The following RAPGEF4 variants were observed in gnomAD, a reference collection of about 807,000 sequenced individuals.
RAPGEF4 encodes the protein RAP guanine-nucleotide-exchange factor (GEF) 4.
RAPGEF4 carries 66 observed loss-of-function variants against 147.9 expected under a neutral mutation model. That is an observed-to-expected ratio of 0.45 (90% CI 0.37 to 0.55). RAPGEF4 has a LOEUF of 0.55. RAPGEF4 is among the 20% of genes least tolerant of loss of function. RAPGEF4 has a pLI of 0.00. For missense variants in RAPGEF4, 1,071 were observed against 1,257.3 expected (o/e 0.85, Z 2.24); for synonymous variants, 419 against 442.7 (o/e 0.95, Z 0.67).
intron 1 of RAPGEF4, among the ~76,000 whole-genome samples, chr2:172,776,809 T>G (rs1559035835): frequency 6.6e-6 from 1 of 152,196 alleles, no homozygotes; most frequent in Non-Finnish European, 1.5e-5. Flanking sequence ...ACTTCACTAC[T>G]GATATTCCCT....
chr2:172,767,998 G>C (rs911657060), intron 1 of RAPGEF4, among the ~76,000 whole-genome samples: 2 of 151,936 alleles, frequency 1.3e-5, no homozygotes, highest in Non-Finnish European at 2.9e-5. Context: ...TTTTAGTAGA[G>C]ACGGGGTTTC....
At chr2:173,014,930 T>C (rs754998810) in intron 18 of RAPGEF4, among the ~76,000 whole-genome samples, 8 of 152,238 alleles carry the variant, frequency 5.3e-5, no homozygotes, top group Non-Finnish European at 8.8e-5. Flanking sequence ...TAAGGATTTT[T>C]CTGTCAGTAC....
At chr2:172,999,635 A>C (rs774695966) in intron 16 of RAPGEF4, among the ~76,000 whole-genome samples, 25 of 152,240 alleles carry the variant, frequency 1.6e-4, no homozygotes, top group Non-Finnish European at 3.1e-4. Flanking sequence ...GTTTTAAATT[A>C]GTTCTTAAGC....
intron 10 of RAPGEF4, among the ~76,000 whole-genome samples, chr2:172,978,900 G>A (rs532935854): frequency 4.5e-4 from 68 of 152,236 alleles, no homozygotes; most frequent in Admixed American, 2.0e-3. Context: ...CTTTAGCATG[G>A]CAGACAAAAA....
rs1242605865 is a variant in RAPGEF4, at chr2:172,819,461, C to CTTTTTTTTTTTTT, written c.444+5046_444+5058dup. Among the ~76,000 whole-genome samples, 23 of 87,014 alleles carry CTTTTTTTTTTTTT rather than the reference C, an allele frequency of 2.6e-4. 3 individuals are homozygous for CTTTTTTTTTTTTT. Among genetic ancestry groups the CTTTTTTTTTTTTT allele is most frequent in the Admixed American group, 5.1e-4 (3 of 5,926 alleles). 57.1% of individuals were successfully genotyped at this position (87,014 alleles called of 152,430 possible). A position where few individuals can be genotyped will look rare whatever the true frequency, so the allele number is the denominator to read the frequency against. ...AAGTCTTAGAATACCATTTTTAGTTCTTTTTTTTTTTTTTTTTTTTTTGAG... is the reference window on the plus strand; with the variant it reads ...AAGTCTTAGAATACCATTTTTAGTTCTTTTTTTTTTTTTTTTTTTTTTTTTTTTTTTTTTTGAG... On this transcript the variant is annotated intron_variant, in intron 4 of 30. Transcript: ENST00000397081.
chr2:172,976,445 A>G (rs1314498226), intron 10 of RAPGEF4, among the ~76,000 whole-genome samples: 1 of 152,210 alleles, frequency 6.6e-6, no homozygotes, highest in East Asian at 1.9e-4. Context: ...GTGTGGGAAA[A>G]TGGTCCAAGT....
intron 4 of RAPGEF4, among the ~76,000 whole-genome samples, chr2:172,815,883 AAT>A (rs1559055340): frequency 6.6e-6 from 1 of 152,194 alleles, no homozygotes; most frequent in African/African-American, 2.4e-5. Flanking sequence ...AAAAATTTCA[AAT>A]AGACAGAAAA....
chr2:172,889,713 G>A, intron 4 of RAPGEF4: 1 of 379,048 alleles, frequency 2.6e-6, no homozygotes, highest in Non-Finnish European at 3.6e-6. Flanking sequence ...GCTACCCACT[G>A]CATCACTAAT....
At chr2:172,755,596 G>A (rs942223831) in intron 1 of RAPGEF4, among the ~76,000 whole-genome samples, 11 of 151,988 alleles carry the variant, frequency 7.2e-5, no homozygotes, top group East Asian at 3.9e-4. Flanking sequence ...GGGTTTCACC[G>A]TGTTGGCCAG....
At chr2:173,036,777 T>C in intron 29 of RAPGEF4, 85 bp downstream of exon 29, 1 of 918,982 alleles carries the variant, frequency 1.1e-6, no homozygotes, top group South Asian at 1.7e-5. Context: ...AATTTCCATA[T>C]ATGCTGCCCT....
chr2:172,811,599 A>G (rs997071322), intron 3 of RAPGEF4, among the ~76,000 whole-genome samples: 8 of 152,188 alleles, frequency 5.3e-5, no homozygotes, highest in African/African-American at 1.9e-4. Context: ...GCGTAAAAGA[A>G]ACGGTTATGT....
At chr2:173,016,782 A>G (rs1031629042) in intron 19 of RAPGEF4, among the ~76,000 whole-genome samples, 9 of 152,236 alleles carry the variant, frequency 5.9e-5, no homozygotes, top group African/African-American at 2.2e-4. Context: ...GCAACTACTT[A>G]TATGGAAAAT....
At chr2:172,756,539 G>T (rs976424757) in intron 1 of RAPGEF4, among the ~76,000 whole-genome samples, 5 of 152,094 alleles carry the variant, frequency 3.3e-5, no homozygotes, top group African/African-American at 1.2e-4. Flanking sequence ...TCTCCCTTTT[G>T]TGTCTAGACT....
At chr2:172,852,274 G>A (rs1016496826) in intron 4 of RAPGEF4, among the ~76,000 whole-genome samples, 2 of 152,106 alleles carry the variant, frequency 1.3e-5, no homozygotes, top group Non-Finnish European at 2.9e-5. Context: ...TGAGCCCCAG[G>A]ATGAAGATAA....
Position 173,050,526 on chromosome 2 carries a change from A to G in RAPGEF4, c.2909-1114A>G, listed in dbSNP as rs182798274. ...GATCTAGCAGGAGCAACCAGACTGCAGAAGGCAGTGTACTGTGGTGGAAAC... is the reference window on the plus strand; with the variant it reads ...GATCTAGCAGGAGCAACCAGACTGCGGAAGGCAGTGTACTGTGGTGGAAAC... On this transcript the variant is annotated intron_variant, in intron 30 of 30. Coordinates refer to ENST00000397081, the MANE Select transcript of RAPGEF4 (RefSeq NM_007023.4). 1.3e-3 allele frequency among the ~76,000 whole-genome samples: 196 copies of G among 152,268 alleles called. 2 individuals carry two copies. The highest frequency in any genetic ancestry group is 3.4e-3 in the Admixed American group (52 of 15,298).
chr2:173,000,985 C>T (rs11687902), intron 16 of RAPGEF4, among the ~76,000 whole-genome samples: 46,354 of 151,972 alleles, frequency 0.31, 7,210 homozygotes, highest in Non-Finnish European at 0.34. Flanking sequence ...TTTAAGTACA[C>T]AGATTTTAAA....
At chr2:172,749,532 A>G (rs1251124718) in intron 1 of RAPGEF4, among the ~76,000 whole-genome samples, 1 of 152,216 alleles carries the variant, frequency 6.6e-6, no homozygotes, top group Non-Finnish European at 1.5e-5. Flanking sequence ...GGCCGCACAC[A>G]GCAGGGGGGC....
intron 27 of RAPGEF4, among the ~76,000 whole-genome samples, chr2:173,034,579 A>G (rs1683670702): frequency 6.6e-6 from 1 of 152,202 alleles, no homozygotes; most frequent in Non-Finnish European, 1.5e-5. Flanking sequence ...AAGTTATTTT[A>G]AAACACAAAT....
chr2:173,013,259 G>A (rs952189372), intron 17 of RAPGEF4, among the ~76,000 whole-genome samples: 11 of 152,140 alleles, frequency 7.2e-5, no homozygotes, highest in African/African-American at 2.4e-4. Context: ...GCTAAGACAG[G>A]GCCAGTCTTG....
Sources: allele counts gnomAD v4.1 joint callset (sites outside exome capture counted in the v4.1 genomes callset), GRCh38; gene constraint gnomAD v4.1.1; transcripts MANE v1.5; gene names NCBI Gene and HGNC (gene_info 2026-07-23, HGNC 2026-07-21).